The following EXTL3 variants were observed in gnomAD, a reference collection of about 807,000 sequenced individuals.
EXTL3 encodes exostosin-like 3.
Under a neutral mutation model 69.3 loss-of-function variants are expected in EXTL3, and 27 were observed. That is an observed-to-expected ratio of 0.39 (90% CI 0.29 to 0.54). The LOEUF (loss-of-function observed/expected upper bound fraction) is 0.54, where lower values mean the gene tolerates loss of function less well. Among genes scored for constraint, EXTL3 ranks in the 20% least tolerant of loss-of-function variants. EXTL3 has a pLI of 0.69. For synonymous variants in EXTL3, 511 were observed against 499.4 expected (o/e 1.02, Z -0.31); for missense variants, 1,003 against 1,231.8 (o/e 0.81, Z 2.78).
intron 1 of EXTL3, among the ~76,000 whole-genome samples, chr8:28,636,059 A>C (rs980250393): frequency 6.6e-6 from 1 of 152,036 alleles, no homozygotes; most frequent in Non-Finnish European, 1.5e-5. Flanking sequence ...GGTCCAGCAC[A>C]GTGGCTCACA....
At chr8:28,726,113 G>C (rs186143098) in intron 3 of EXTL3, among the ~76,000 whole-genome samples, 371 of 151,992 alleles carry the variant, frequency 2.4e-3, no homozygotes, top group Admixed American at 6.4e-3. Flanking sequence ...ACACCACCAC[G>C]CCCGGCTAAT....
chr8:28,686,361 T>A (rs894819888), intron 1 of EXTL3, among the ~76,000 whole-genome samples: 1 of 150,960 alleles, frequency 6.6e-6, no homozygotes, highest in Non-Finnish European at 1.5e-5. Flanking sequence ...AAGAAAAAAA[T>A]TGAACCACTT....
chr8:28,716,299 G>A lies in EXTL3; in HGVS notation c.240G>A (p.Leu80=), dbSNP rs907192576. 2 of 1,614,240 alleles carry A rather than the reference G, an allele frequency of 1.2e-6. No homozygotes were observed. Among genetic ancestry groups the A allele is most frequent in the Admixed American group, 3.3e-5 (2 of 60,034 alleles). Reference sequence around the variant, plus strand: ...AGCTGTGCGAGGTGAAGCACGTGCTGGATCTGTGCCGCATCCGGGAGTCGG... The same window carrying A: ...AGCTGTGCGAGGTGAAGCACGTGCTAGATCTGTGCCGCATCCGGGAGTCGG... ...GNELCEVKHV[L]DLCRIRESVS... The change falls in exon 3 of 7, where the codon CTG becomes CTA. Residue 80 remains leucine (L), a synonymous_variant. Transcript: ENST00000220562. This position sits in a 1 kb window ranked among gnomAD's most constrained non-coding sequence, Gnocchi z 7.1.
At chr8:28,684,463 C>T (rs886791458) in intron 1 of EXTL3, among the ~76,000 whole-genome samples, 4 of 152,140 alleles carry the variant, frequency 2.6e-5, no homozygotes, top group Admixed American at 2.0e-4. Flanking sequence ...TCAGTGGGCA[C>T]GATGCATGAT....
intron 1 of EXTL3, among the ~76,000 whole-genome samples, chr8:28,712,573 CTGA>C (rs1267096463): frequency 2.6e-5 from 4 of 152,158 alleles, no homozygotes; most frequent in Admixed American, 6.5e-5. Context: ...TTTCTAGAGG[CTGA>C]TATGTTTATT....
intron 1 of EXTL3, among the ~76,000 whole-genome samples, chr8:28,709,409 C>G (rs1175387779): frequency 2.0e-5 from 3 of 152,162 alleles, no homozygotes; most frequent in Non-Finnish European, 4.4e-5. Context: ...GCCTCTCTCT[C>G]TGTTTCTCAC....
At chr8:28,737,370 C>A in intron 4 of EXTL3, 149 bp from the exon 5 acceptor site, 1 of 832,168 alleles carries the variant, frequency 1.2e-6, no homozygotes, top group Non-Finnish European at 2.0e-6. Context: ...TCCTGTTTGG[C>A]TTGTTGTTGA....
chr8:28,610,450 G>A (rs1806256841), intron 2 of EXTL3, among the ~76,000 whole-genome samples: 2 of 152,078 alleles, frequency 1.3e-5, no homozygotes, highest in African/African-American at 4.8e-5. Flanking sequence ...CCTAGTCCTG[G>A]CAAATACACT....
chr8:28,694,582 T>G (rs1316385403), intron 1 of EXTL3, among the ~76,000 whole-genome samples: 3 of 152,186 alleles, frequency 2.0e-5, no homozygotes, highest in Admixed American at 6.5e-5. Context: ...GGCTGGTGAT[T>G]TAGGCAAATT....
At chr8:28,615,735 C>A (rs1190408267) in intron 2 of EXTL3, among the ~76,000 whole-genome samples, 1 of 140,278 alleles carries the variant, frequency 7.1e-6, no homozygotes, top group Non-Finnish European at 1.6e-5. Context: ...GCCAAGCTAA[C>A]TTTTGTATTT....
chr8:28,748,446 A>G (rs1006281925), intron 6 of EXTL3, among the ~76,000 whole-genome samples: 16 of 152,264 alleles, frequency 1.1e-4, no homozygotes, highest in East Asian at 3.9e-4. Context: ...CCTGATCACT[A>G]TAAGTAACAA....
At chr8:28,643,487 T>C (rs1469410808) in intron 1 of EXTL3, among the ~76,000 whole-genome samples, 1 of 150,726 alleles carries the variant, frequency 6.6e-6, no homozygotes, top group Non-Finnish European at 1.5e-5. Flanking sequence ...CTATCTTGGC[T>C]CACTGCAAGC....
chr8:28,668,006 T>C (rs1807223327), intron 1 of EXTL3, among the ~76,000 whole-genome samples: 1 of 152,170 alleles, frequency 6.6e-6, no homozygotes, highest in Non-Finnish European at 1.5e-5. Context: ...CTCACGCCTG[T>C]AATCCTAGCA....
chr8:28,754,039 T>TGTGTGTGC lies in EXTL3; in HGVS notation c.*3180_*3181insCGTGTGTG, dbSNP rs1353847449. On this transcript the variant is annotated 3_prime_UTR_variant, in exon 7 of 7. Coordinates refer to ENST00000220562, the MANE Select transcript of EXTL3 (RefSeq NM_001440.4). ...TTCATGGGAATTTAAAATGCGTGTGTGTGTGTGTGTGTGTGTGTGTGTAGT... is the reference window on the plus strand; with the variant it reads ...TTCATGGGAATTTAAAATGCGTGTGTGTGTGTGCGTGTGTGTGTGTGTGTGTGTGTAGT... 2 of 150,952 alleles carry TGTGTGTGC rather than the reference T, an allele frequency of 1.3e-5. No individual in the cohort carries two copies. The highest frequency in any genetic ancestry group is 3.0e-5 in the Non-Finnish European group (2 of 67,676). 9.4% of individuals were successfully genotyped at this position (150,952 alleles called of 1,614,324 possible).
At chr8:28,611,583 A>G (rs925768976) in intron 2 of EXTL3, among the ~76,000 whole-genome samples, 4 of 152,210 alleles carry the variant, frequency 2.6e-5, no homozygotes, top group Non-Finnish European at 5.9e-5. Context: ...GAAATGCTTT[A>G]GCTAGAGCAT....
chr8:28,737,443 AG>A, intron 4 of EXTL3, 75 bp from the exon 5 acceptor site: 1 of 1,497,512 alleles, frequency 6.7e-7, no homozygotes, highest in Non-Finnish European at 9.3e-7. Flanking sequence ...TGTAAGGTGG[AG>A]GCAATAACTG....
intron 1 of EXTL3, among the ~76,000 whole-genome samples, chr8:28,626,925 G>C (rs2130553492): frequency 6.6e-6 from 1 of 151,994 alleles, no homozygotes; most frequent in South Asian, 2.1e-4. Context: ...GCTCATGCCT[G>C]TAATGCCAGC....
chr8:28,639,646 G>A (rs1239887379), intron 1 of EXTL3, among the ~76,000 whole-genome samples: 1 of 152,184 alleles, frequency 6.6e-6, no homozygotes, highest in Non-Finnish European at 1.5e-5. Flanking sequence ...CCTCCACCTG[G>A]ACGGTTCCTC....
At chr8:28,712,237 C>T (rs1801044606) in intron 1 of EXTL3, among the ~76,000 whole-genome samples, 1 of 152,142 alleles carries the variant, frequency 6.6e-6, no homozygotes, top group Admixed American at 6.5e-5. Context: ...AGAAGCTTGG[C>T]ACAGTCGAGG....
Sources: gnomAD v4.1 joint callset for allele counts (sites outside exome capture counted in the v4.1 genomes callset) on GRCh38, gnomAD v4.1.1 for gene constraint, Gnocchi (gnomAD v3.1) non-coding constraint, MANE v1.5 for transcripts, NCBI Gene and HGNC (gene_info 2026-07-23, HGNC 2026-07-21) for gene names.